SLC2A2: variants seen among roughly 807,000 people sequenced by gnomAD.
SLC2A2 encodes solute carrier family 2, facilitated glucose transporter member 2.
SLC2A2 carries 36 observed loss-of-function variants against 54.5 expected under a neutral mutation model. The observed-to-expected ratio is 0.66, with a 90% CI of 0.51 to 0.87. The LOEUF (loss-of-function observed/expected upper bound fraction) is 0.87, where lower values mean the gene tolerates loss of function less well. Among genes scored for constraint, SLC2A2 ranks in the 40% least tolerant of loss-of-function variants. The probability of loss-of-function intolerance (pLI) is 0.00; values close to 1 mark genes in which losing one functional copy is unlikely to be tolerated. For synonymous variants in SLC2A2, 223 were observed against 219.1 expected (o/e 1.02, Z -0.16); for missense variants, 543 against 624.3 (o/e 0.87, Z 1.39).
intron 7 of SLC2A2, among the ~76,000 whole-genome samples, chr3:171,004,665 A>G (rs762273807): frequency 2.6e-5 from 4 of 151,882 alleles, no homozygotes; most frequent in Non-Finnish European, 5.9e-5. Flanking sequence ...CAGTAGAACC[A>G]TCTTGGTCTG....
intron 4 of SLC2A2, among the ~76,000 whole-genome samples, chr3:171,008,648 A>C (rs186518418): frequency 2.0e-5 from 3 of 152,116 alleles, no homozygotes; most frequent in Admixed American, 2.0e-4. Context: ...TATTTTTTTC[A>C]CACTGTATTT....
chr3:170,997,719 C>A lies in SLC2A2; in HGVS notation c.*184G>T, dbSNP rs928186912. 2 of 618,170 alleles carry A rather than the reference C, an allele frequency of 3.2e-6. No individual in the cohort carries two copies. The highest frequency in any genetic ancestry group is 3.0e-5 in the Admixed American group (1 of 33,458). The allele number at this position is 618,170 out of a possible 1,614,324, so 38.3% of individuals were successfully genotyped here. A position where few individuals can be genotyped will look rare whatever the true frequency, so the allele number is the denominator to read the frequency against. On this transcript the variant is annotated 3_prime_UTR_variant, in exon 11 of 11. Coordinates refer to ENST00000314251, the MANE Select transcript of SLC2A2 (RefSeq NM_000340.2). ...GTTTACTTAATTACAGTCTTACCATCAAAAATATATTCTCTAACTTAAAAA... is the reference window on the plus strand; with the variant it reads ...GTTTACTTAATTACAGTCTTACCATAAAAAATATATTCTCTAACTTAAAAA...
intron 8 of SLC2A2, among the ~76,000 whole-genome samples, chr3:171,001,549 A>C (rs1715333527): frequency 6.6e-6 from 1 of 152,052 alleles, no homozygotes; most frequent in Non-Finnish European, 1.5e-5. Context: ...GGTAATAGTT[A>C]AGAGTTCATG....
chr3:170,996,483 A>G lies in SLC2A2; in HGVS notation c.*1420T>C, dbSNP rs182503337. On this transcript the variant is annotated 3_prime_UTR_variant, in exon 11 of 11. Transcript: ENST00000314251. ...ACTTTTTAAAAAGTGCTTTTCTTCAATACACATTAAAGCAAACATAAGAAG... is the reference window on the plus strand; with the variant it reads ...ACTTTTTAAAAAGTGCTTTTCTTCAGTACACATTAAAGCAAACATAAGAAG... The G allele has an allele frequency of 1.5e-3, 581 of 396,188 alleles. No homozygotes were observed. Among genetic ancestry groups the G allele is most frequent in the Non-Finnish European group, 2.3e-3 (515 of 224,542 alleles). The allele number at this position is 396,188 out of a possible 1,614,324, so 24.5% of individuals were successfully genotyped here.
At chr3:171,002,793 C>A (rs1225714777) in intron 7 of SLC2A2, 113 bp from the exon 8 acceptor site, 4 of 695,474 alleles carry the variant, frequency 5.8e-6, no homozygotes, top group Non-Finnish European at 1.0e-5. Flanking sequence ...CGGCATGCAC[C>A]CTAGAACTTC....
intron 1 of SLC2A2, among the ~76,000 whole-genome samples, chr3:171,019,111 ATATATATATATACGTATG>A (rs1373417537): frequency 6.0e-3 from 33 of 5,516 alleles, no homozygotes; most frequent in East Asian, 0.027. Context: ...ATATATATAT[ATATATATATATACGTATG>A]TATATATATA....
intron 2 of SLC2A2, among the ~76,000 whole-genome samples, chr3:171,016,218 T>C (rs193125158): frequency 6.6e-6 from 1 of 152,296 alleles, no homozygotes; most frequent in East Asian, 1.9e-4. Context: ...GCAGATCACT[T>C]GAGGTCAGGA....
At chr3:171,004,153 C>T (rs1007689038) in intron 7 of SLC2A2, among the ~76,000 whole-genome samples, 4 of 151,956 alleles carry the variant, frequency 2.6e-5, no homozygotes, top group Non-Finnish European at 4.4e-5. Flanking sequence ...GCCTACAGCA[C>T]GCTTCACACT....
rs1055514469 is a variant in SLC2A2, at chr3:170,997,744, A to G, written c.*159T>C. On this transcript the variant is annotated 3_prime_UTR_variant, in exon 11 of 11. Transcript: ENST00000314251. ...CAAAAATATATTCTCTAACTTAAAA[A>G]AATACTTTTTTGGTAATATTTGATG... 21 of 672,650 alleles carry G rather than the reference A, an allele frequency of 3.1e-5. No individual in the cohort carries two copies. The highest frequency in any genetic ancestry group is 4.8e-5 in the Non-Finnish European group (19 of 394,738). The allele number at this position is 672,650 out of a possible 1,614,324, so 41.7% of individuals were successfully genotyped here.
chr3:171,009,772 C>T (rs772205304), intron 4 of SLC2A2, among the ~76,000 whole-genome samples, 186 bp downstream of exon 4: 8 of 151,912 alleles, frequency 5.3e-5, no homozygotes, highest in Non-Finnish European at 1.0e-4. Context: ...CATCATAATT[C>T]CTACTTACTG....
intron 1 of SLC2A2, 81 bp downstream of exon 1, chr3:171,026,575 C>A (rs1052935280): frequency 8.6e-5 from 106 of 1,232,628 alleles, no homozygotes; most frequent in Non-Finnish European, 1.2e-4. Context: ...CAACCTCCCC[C>A]AAATCCTCTG....
chr3:171,026,672 G>T lies in SLC2A2; in HGVS notation c.-2C>A, dbSNP rs767412101. 1.3e-5 allele frequency: 21 copies of T among 1,612,822 alleles called. No individual in the cohort carries two copies. The Middle Eastern group carries it at 4.9e-4, about 38-fold the overall frequency. On this transcript the variant is annotated 5_prime_UTR_variant, in exon 1 of 11. Transcript: ENST00000314251. ...CTGCTTTACCTTATCTTCTGTCATT[G>T]TACTAGTTGGGAGTCCTGTCAATTC... is the stretch of plus-strand genomic sequence containing the variant.
chr3:171,019,131 A>ACG (rs1716330557), intron 1 of SLC2A2, among the ~76,000 whole-genome samples: 2 of 74,050 alleles, frequency 2.7e-5, no homozygotes, highest in Admixed American at 2.9e-4. Flanking sequence ...ATACGTATGT[A>ACG]TATATATATA....
In SLC2A2 at chr3:170,997,461, C is replaced by T. The variant is rs999808778; in HGVS notation, c.*442G>A. ...AAGAGTTGTCTATTTTAACATGGAA[C>T]TTATTGCCACTAGCCATATCTCCTT... On this transcript the variant is annotated 3_prime_UTR_variant, in exon 11 of 11. Transcript: ENST00000314251. 6.2e-6 allele frequency: 1 copy of T among 162,162 alleles called. No homozygotes were observed. Among genetic ancestry groups the T allele is most frequent in the Non-Finnish European group, 1.3e-5 (1 of 74,620 alleles). 10.0% of individuals were successfully genotyped at this position (162,162 alleles called of 1,614,324 possible). A position where few individuals can be genotyped will look rare whatever the true frequency, so the allele number is the denominator to read the frequency against.
intron 1 of SLC2A2, among the ~76,000 whole-genome samples, chr3:171,022,686 G>A (rs1158510653): frequency 3.3e-5 from 5 of 152,134 alleles, no homozygotes; most frequent in Non-Finnish European, 7.3e-5. Context: ...TTCTCTGGGG[G>A]TTCTCTCCCT....
Position 171,026,124 on chromosome 3 carries a change from T to C in SLC2A2, c.15+532A>G, listed in dbSNP as rs144268112. 7.1e-3 allele frequency among the ~76,000 whole-genome samples: 1,079 copies of C among 152,248 alleles called. 15 individuals carry two copies. The highest frequency in any genetic ancestry group is 0.025 in the African/African-American group (1,030 of 41,538). ...CATTATTATATCCAAGAGTGTGAAATTGATACAGTAATATTATTTAAGATG... is the reference window on the plus strand; with the variant it reads ...CATTATTATATCCAAGAGTGTGAAACTGATACAGTAATATTATTTAAGATG... On this transcript the variant is annotated intron_variant, in intron 1 of 10. Transcript: ENST00000314251.
chr3:171,022,854 C>T (rs1003440780), intron 1 of SLC2A2, among the ~76,000 whole-genome samples: 1 of 152,154 alleles, frequency 6.6e-6, no homozygotes, highest in Non-Finnish European at 1.5e-5. Flanking sequence ...ATTAGTTCAC[C>T]CCTGTCACTT....
rs1371277174 is a variant in SLC2A2 at position 171,020,893 on chromosome 3, A to G, written c.16-2270T>C. On this transcript the variant is annotated intron_variant, in intron 1 of 10. Transcript: ENST00000314251. ...AGCAAGACCCTGTCTCAAAATATAT[A>G]TATTTATTTTATATATTTATATATC... 2.0e-5 allele frequency among the ~76,000 whole-genome samples: 3 copies of G among 150,806 alleles called. No individual in the cohort carries two copies. In the East Asian group the frequency reaches 5.8e-4, roughly 29 times the overall value.
At position 171,014,538 on chromosome 3, in the gene SLC2A2, A is replaced by G. The variant is rs770135219; in HGVS notation, c.302T>C (p.Val101Ala). Residue 101 changes from valine to alanine, a missense_variant, in exon 3 of 11, where the codon GTA becomes GCA. Physicochemically the swap from Val to Ala is moderately conservative, Grantham distance 64. This residue lies in a region of SLC2A2 where 318 missense variants were observed against 343.8 expected (regional missense o/e 0.93). Transcript: ENST00000314251. Reference sequence around the variant, plus strand: ...CATTCCACCAACTGCAAAGCTGGATACAGACAGGGACCAGAGCATGGTGAT... The same window carrying G: ...CATTCCACCAACTGCAAAGCTGGATGCAGACAGGGACCAGAGCATGGTGAT... The part of the protein sequence containing the change: ...QLITMLWSLS[V>A]SSFAVGGMTA... 1.2e-6 allele frequency: 2 copies of G among 1,614,192 alleles called. No homozygotes were observed. The highest frequency in any genetic ancestry group is 2.2e-5 in the South Asian group (2 of 91,082).
Sources: allele counts gnomAD v4.1 joint callset (sites outside exome capture counted in the v4.1 genomes callset), GRCh38; gene constraint gnomAD v4.1.1; regional missense constraint gnomAD v4.1.1; transcripts MANE v1.5; gene names NCBI Gene and HGNC (gene_info 2026-07-23, HGNC 2026-07-21).